Variants in DNAL1 observed in about 807,000 individuals in gnomAD.
DNAL1 encodes the protein dynein axonemal light chain 1, also known as chromosome 14 open reading frame 168.
DNAL1 carries 17 observed loss-of-function variants against 29.4 expected under a neutral mutation model. That is an observed-to-expected ratio of 0.58 (90% CI 0.40 to 0.87). The LOEUF is 0.87. DNAL1 is among the 40% of genes least tolerant of loss of function. The probability of loss-of-function intolerance (pLI) is 0.00; values close to 1 mark genes in which losing one functional copy is unlikely to be tolerated. For missense variants in DNAL1, 188 were observed against 214.1 expected (o/e 0.88, Z 0.76); for synonymous variants, 78 against 76.3 (o/e 1.02, Z -0.12).
Position 73,698,066 on chromosome 14 carries a change from T to C in DNAL1, c.*2124T>C, listed in dbSNP as rs577696114. On this transcript the variant is annotated 3_prime_UTR_variant, in exon 8 of 8. Transcript: ENST00000553645. ...AGTGAATATAATAGGAAGTAAGTGA[T>C]TTCATATTGAATTTATTTGTAAAAT... 84 of 152,360 alleles carry C rather than the reference T, an allele frequency of 5.5e-4. No individual in the cohort carries two copies. The highest frequency in any genetic ancestry group is 1.9e-3 in the African/African-American group (81 of 41,582). 9.4% of individuals were successfully genotyped at this position (152,360 alleles called of 1,614,324 possible). A position where few individuals can be genotyped will look rare whatever the true frequency, so the allele number is the denominator to read the frequency against.
At chr14:73,648,152 A>G (rs1190446112) in intron 1 of DNAL1, among the ~76,000 whole-genome samples, 1 of 150,242 alleles carries the variant, frequency 6.7e-6, no homozygotes, top group Non-Finnish European at 1.5e-5. Flanking sequence ...TAATTTTTGT[A>G]TTTTCAGTAG....
rs372064191 is a variant in DNAL1 at position 73,681,598 on chromosome 14, T to A, written c.265-5661T>A. Among the ~76,000 whole-genome samples the A allele has an allele frequency of 2.1e-4, 20 of 93,334 alleles. 1 individual carries two copies. Among genetic ancestry groups the A allele is most frequent in the East Asian group, 1.2e-3 (3 of 2,480 alleles). The allele number at this position is 93,334 out of a possible 152,430, so 61.2% of individuals were successfully genotyped here. ...GCATGGACAACATAGCGAGACCCCATCTCTACCAAAAAAAAAAAAAAAAAA... is the reference window on the plus strand; with the variant it reads ...GCATGGACAACATAGCGAGACCCCAACTCTACCAAAAAAAAAAAAAAAAAA... On this transcript the variant is annotated intron_variant, in intron 5 of 7. Coordinates refer to ENST00000553645, the MANE Select transcript of DNAL1 (RefSeq NM_031427.4).
chr14:73,677,885 TGTG>T (rs1891783365), intron 5 of DNAL1, among the ~76,000 whole-genome samples: 5 of 15,766 alleles, frequency 3.2e-4, no homozygotes, highest in Admixed American at 8.8e-4. Flanking sequence ...TATATATATT[TGTG>T]TGTGTGTGTG....
chr14:73,694,237 T>TATAAATAAATAAATAAATAA (rs56225198), intron 7 of DNAL1, among the ~76,000 whole-genome samples: 47 of 128,124 alleles, frequency 3.7e-4, no homozygotes, highest in Admixed American at 1.3e-3. Context: ...AAGCCCTGTC[T>TATAAATAAATAAATAAATAA]ATAAATAAAT....
chr14:73,646,968 G>T (rs1371866783), intron 1 of DNAL1, among the ~76,000 whole-genome samples: 2 of 152,028 alleles, frequency 1.3e-5, no homozygotes, highest in Non-Finnish European at 2.9e-5. Context: ...TTATCTTTCA[G>T]TGTCTTTTTT....
At chr14:73,686,934 T>C (rs1381728031) in intron 5 of DNAL1, among the ~76,000 whole-genome samples, 1 of 152,008 alleles carries the variant, frequency 6.6e-6, no homozygotes, top group Non-Finnish European at 1.5e-5. Context: ...AACCGTACCA[T>C]TAATGAACGA....
chr14:73,679,367 CTG>C lies in DNAL1; in HGVS notation c.264+7771_264+7772del, dbSNP rs1438764572. Among the ~76,000 whole-genome samples, 10 of 152,172 alleles carry C rather than the reference CTG, an allele frequency of 6.6e-5. No homozygotes were observed. The East Asian group carries it at 1.7e-3, about 26-fold the overall frequency. On this transcript the variant is annotated intron_variant, in intron 5 of 7. Transcript: ENST00000553645. The stretch of plus-strand genomic sequence containing the variant: ...TTTTAATACTCTTTCTGTTAAAATA[CTG>C]ATTATTTTCTCCTTAAAAAATGCAA...
intron 4 of DNAL1, among the ~76,000 whole-genome samples, chr14:73,663,310 A>G (rs1030304794): frequency 6.6e-6 from 1 of 151,058 alleles, no homozygotes; most frequent in Non-Finnish European, 1.5e-5. Context: ...GGTTCAAGCA[A>G]TTCTCTTGCC....
At chr14:73,690,676 C>T (rs1892153497) in intron 7 of DNAL1, among the ~76,000 whole-genome samples, 1 of 151,588 alleles carries the variant, frequency 6.6e-6, no homozygotes, top group African/African-American at 2.4e-5. Flanking sequence ...AGAGAAGGAT[C>T]CTGACTTCCA....
At chr14:73,664,871 TA>T (rs961903598) in intron 4 of DNAL1, among the ~76,000 whole-genome samples, 1 of 150,258 alleles carries the variant, frequency 6.7e-6, no homozygotes, top group African/African-American at 2.5e-5. Flanking sequence ...AAAAAAAAAA[TA>T]AAAAAAAATT....
chr14:73,655,436 C>G (rs916447846), intron 2 of DNAL1, among the ~76,000 whole-genome samples: 5 of 151,458 alleles, frequency 3.3e-5, no homozygotes, highest in Non-Finnish European at 5.9e-5. Context: ...CCTCCGCCTC[C>G]CGGGTTCAAG....
chr14:73,689,806 C>T (rs929357313), intron 7 of DNAL1, among the ~76,000 whole-genome samples: 11 of 151,946 alleles, frequency 7.2e-5, no homozygotes, highest in Non-Finnish European at 1.2e-4. Flanking sequence ...GAGGCTGAGG[C>T]GGGTGGATCA....
chr14:73,676,984 T>TTTTTA (rs1555402312), intron 5 of DNAL1, among the ~76,000 whole-genome samples: 1 of 147,416 alleles, frequency 6.8e-6, no homozygotes, highest in African/African-American at 2.5e-5. Context: ...TTTTTTTTTT[T>TTTTTA]AATTGAGATG....
chr14:73,688,280 G>A (rs1237460474), intron 6 of DNAL1, among the ~76,000 whole-genome samples: 2 of 152,176 alleles, frequency 1.3e-5, no homozygotes, highest in Non-Finnish European at 2.9e-5. Context: ...ACAGCTTAGT[G>A]GGGAAAATTA....
At chr14:73,687,837 CACTCCAGCCAGGGCAGCAGAGCAAG>C (rs1285501679) in intron 6 of DNAL1, among the ~76,000 whole-genome samples, 1 of 152,160 alleles carries the variant, frequency 6.6e-6, no homozygotes, top group African/African-American at 2.4e-5. Flanking sequence ...CGCGCCGCTG[CACTCCAGCCAGGGCAGCAGAGCAAG>C]ACTCCGTCTC....
In DNAL1 at chr14:73,654,878, C is replaced by T. The variant is rs948104206; in HGVS notation, c.35C>T (p.Ala12Val). The change falls in exon 2 of 8, where the codon GCG becomes GTG. Residue 12 changes from alanine to valine, a missense_variant. Coordinates refer to ENST00000553645, the MANE Select transcript of DNAL1 (RefSeq NM_031427.4). ...GCAACAACAATCAAAGAAGCCTTAG[C>T]GAGATGGGTGAGTACATGAGTTTTT... ...AKATTIKEAL[A>V]RWEEKTGQRP... 1.3e-5 allele frequency: 20 copies of T among 1,537,808 alleles called. No homozygotes were observed. The highest frequency in any genetic ancestry group is 1.7e-5 in the Non-Finnish European group (20 of 1,143,126).
At chr14:73,657,218 CGTTT>C (rs1891238919) in intron 2 of DNAL1, among the ~76,000 whole-genome samples, 1 of 151,968 alleles carries the variant, frequency 6.6e-6, no homozygotes, top group South Asian at 2.1e-4. Context: ...TTTGTTAATT[CGTTT>C]GTTTTTCTGG....
At chr14:73,670,694 TAAAG>T (rs917682653) in intron 4 of DNAL1, among the ~76,000 whole-genome samples, 54 of 151,706 alleles carry the variant, frequency 3.6e-4, no homozygotes, top group African/African-American at 1.3e-3. Context: ...CTTTAAAAAA[TAAAG>T]ATAGGCATTT....
rs1595214719 is a variant in DNAL1, at chr14:73,674,268, G to C, written c.264+2671G>C. On this transcript the variant is annotated intron_variant, in intron 5 of 7. Transcript: ENST00000553645. ...TTCCCACCTGAGAATCTTTATACTT[G>C]GCTGTTCCCTCTGTCTTAAAAACTC... 2.6e-5 allele frequency among the ~76,000 whole-genome samples: 4 copies of C among 152,034 alleles called. No homozygotes were observed. In the South Asian group the frequency reaches 8.3e-4, roughly 32 times the overall value.
Sources: allele counts gnomAD v4.1 joint callset (sites outside exome capture counted in the v4.1 genomes callset), GRCh38; gene constraint gnomAD v4.1.1; transcripts MANE v1.5; gene names NCBI Gene and HGNC (gene_info 2026-07-23, HGNC 2026-07-21).